The following GATA3 variants were observed in gnomAD, a reference collection of about 807,000 sequenced individuals.
The protein encoded by GATA3 is GATA binding protein 3, also known as trans-acting T-cell-specific transcription factor GATA-3.
Under a neutral mutation model 36.0 loss-of-function variants are expected in GATA3, and 6 were observed. The ratio of observed to expected loss-of-function variants is 0.17; its 90% CI spans 0.09 to 0.33. The LOEUF (loss-of-function observed/expected upper bound fraction) is 0.33. Ranked by LOEUF, GATA3 falls within the 10% of genes least tolerant of loss-of-function variation. The pLI is 1.00. For missense variants in GATA3, 514 were observed against 610.1 expected (o/e 0.84, Z 1.66); for synonymous variants, 326 against 273.0 (o/e 1.19, Z -1.92).
intron 5 of GATA3, among the ~76,000 whole-genome samples, chr10:8,070,235 G>A (rs1199143018): frequency 1.3e-5 from 2 of 152,202 alleles, no homozygotes; most frequent in Non-Finnish European, 2.9e-5. Context: ...CCATACCAGG[G>A]AAAATAAACT....
intron 3 of GATA3, 77 bp downstream of exon 3, chr10:8,058,918 G>T: frequency 7.1e-7 from 1 of 1,414,558 alleles, no homozygotes; most frequent in Non-Finnish European, 9.8e-7. Flanking sequence ...CACCCAGAGG[G>T]ACCCCTCAGG....
At position 8,047,387 on chromosome 10, in the gene GATA3, TC is replaced by T. The variant is rs370521439; in HGVS notation, c.-370+1873del. Among the ~76,000 whole-genome samples the T allele has an allele frequency of 1.1e-4, 16 of 152,374 alleles. No homozygotes were observed. The South Asian group carries it at 3.3e-3, about 32-fold the overall frequency. ...TAGCATTCGGTTATTTTTAACTATT[TC>T]TAGGCTGCACTGAAGTGATGTCTCA... is the stretch of plus-strand genomic sequence containing the variant. On this transcript the variant is annotated intron_variant, in intron 1 of 1. Coordinates refer to the GATA3 transcript ENST00000643001.
At chr10:8,047,132 G>T (rs967303432) in intron 1 of GATA3, among the ~76,000 whole-genome samples, 1 of 152,232 alleles carries the variant, frequency 6.6e-6, no homozygotes, top group Non-Finnish European at 1.5e-5. Flanking sequence ...GAGAAGGGAT[G>T]GGAGTGGGAA....
chr10:8,070,431 G>C (rs1335012609), intron 5 of GATA3, among the ~76,000 whole-genome samples: 1 of 150,398 alleles, frequency 6.6e-6, no homozygotes, highest in Non-Finnish European at 1.5e-5. Context: ...CATGATTCTA[G>C]TGAGGCTTCA....
chr10:8,050,252 T>C (rs1832449711), upstream of GATA3, among the ~76,000 whole-genome samples: 1 of 152,216 alleles, frequency 6.6e-6, no homozygotes, highest in Non-Finnish European at 1.5e-5. Context: ...TTTCTCTAAT[T>C]GCTCCAACAA....
At chr10:8,059,607 A>G (rs757609401) in intron 3 of GATA3, among the ~76,000 whole-genome samples, 1 of 152,188 alleles carries the variant, frequency 6.6e-6, no homozygotes, top group African/African-American at 2.4e-5. Flanking sequence ...AAGGAACGGA[A>G]AAGTGCTCCA....
At position 8,064,057 on chromosome 10, in the gene GATA3, A is replaced by G. The variant is rs747504372; in HGVS notation, c.843A>G (p.Gly281=). Reference sequence around the variant, plus strand: ...CACTGTGGCGGCGAGATGGCACGGGACACTACCTGTGCAACGCCTGCGGGC... The same window carrying G: ...CACTGTGGCGGCGAGATGGCACGGGGCACTACCTGTGCAACGCCTGCGGGC... ...STPLWRRDGT[G]HYLCNACGLY... The change falls in exon 4 of 6, where the codon GGA becomes GGG. Residue 281 remains glycine, a synonymous_variant. Transcript: ENST00000379328. 2 of 1,614,094 alleles carry G rather than the reference A, an allele frequency of 1.2e-6. No homozygotes were observed. The highest frequency in any genetic ancestry group is 1.7e-6 in the Non-Finnish European group (2 of 1,180,000).
chr10:8,074,126 A>G lies in GATA3; in HGVS notation c.*103A>G, dbSNP rs1254640766. ...ATCATGAAGCCTAAACGCGATGGAT[A>G]TATGTTTTTGAAGGCAGAAAGCAAA... On this transcript the variant is annotated 3_prime_UTR_variant, in exon 6 of 6. Transcript: ENST00000379328. 22 of 1,355,792 alleles carry G rather than the reference A, an allele frequency of 1.6e-5. No individual in the cohort carries two copies. The highest frequency in any genetic ancestry group is 2.3e-5 in the Admixed American group (1 of 42,854). The allele number at this position is 1,355,792 out of a possible 1,614,324, so 84.0% of individuals were successfully genotyped here.
chr10:8,067,734 T>A (rs188165332), intron 4 of GATA3, among the ~76,000 whole-genome samples: 3 of 152,064 alleles, frequency 2.0e-5, no homozygotes, highest in African/African-American at 4.8e-5. Flanking sequence ...AGGAGAATGG[T>A]GTGAACCCAG....
Position 8,075,089 on chromosome 10 carries a change from C to G in GATA3, c.*1066C>G, listed in dbSNP as rs11255509. The G allele has an allele frequency of 4.3e-6, 1 of 233,022 alleles. No individual in the cohort carries two copies. Among genetic ancestry groups the G allele is most frequent in the Non-Finnish European group, 8.5e-6 (1 of 117,988 alleles). 14.4% of individuals were successfully genotyped at this position (233,022 alleles called of 1,614,324 possible). ...GACAGGCCACGTCCTGCAATCGGCC[C>G]GGCTGCCTCTTCGCCCTGTCGTGTT... On this transcript the variant is annotated 3_prime_UTR_variant, in exon 6 of 6. Coordinates refer to ENST00000379328, the MANE Select transcript of GATA3 (RefSeq NM_001002295.2).
intron 3 of GATA3, 120 bp downstream of exon 3, chr10:8,058,961 C>A: frequency 1.2e-6 from 1 of 817,818 alleles, no homozygotes; most frequent in Non-Finnish European, 1.9e-6. Flanking sequence ...TGCTGAGATG[C>A]CATTCTTCCC....
At chr10:8,073,705 T>TAA (rs373223232) in intron 5 of GATA3, 34 bp from the exon 6 acceptor site, 1,946 of 1,397,814 alleles carry the variant, frequency 1.4e-3, no homozygotes, top group Admixed American at 1.5e-3. Context: ...AGCAAAAAAG[T>TAA]AAAAAAAAAA....
chr10:8,074,076 C>T lies in GATA3; in HGVS notation c.*53C>T, dbSNP rs1034868505. ...CAGCGAGAGTCCCTGCAGTCCCTTT[C>T]GACTTGCATTTTTGCAGGAGCAGTA... On this transcript the variant is annotated 3_prime_UTR_variant, in exon 6 of 6. Transcript: ENST00000379328. 24 of 1,586,922 alleles carry T rather than the reference C, an allele frequency of 1.5e-5. No individual in the cohort carries two copies. Among genetic ancestry groups the T allele is most frequent in the South Asian group, 1.0e-4 (9 of 89,088 alleles).
rs1394558321 is a variant in GATA3, at chr10:8,055,856, G to A, written c.201G>A (p.Ser67=). 2.5e-6 allele frequency: 4 copies of A among 1,576,570 alleles called. No individual in the cohort carries two copies. Among genetic ancestry groups the A allele is most frequent in the Middle Eastern group, 3.3e-4 (2 of 6,044 alleles). The change falls in exon 2 of 6, where the codon TCG becomes TCA. Residue 67 remains serine (S), a synonymous_variant. Transcript: ENST00000379328. This position sits in a 1 kb window ranked among gnomAD's most constrained non-coding sequence, Gnocchi z 5.4. ...ACGTCCCGCCCTACTACGGAAACTC[G>A]GTCAGGGCCACGGTGCAGAGGTACC... is the stretch of plus-strand genomic sequence containing the variant. ...GNHVPPYYGN[S]VRATVQRYPP... is the part of the protein sequence containing the mutation.
At chr10:8,057,633 G>C (rs1443253359) in intron 2 of GATA3, among the ~76,000 whole-genome samples, 1 of 152,146 alleles carries the variant, frequency 6.6e-6, no homozygotes, top group Non-Finnish European at 1.5e-5. Flanking sequence ...CAATGAAAAC[G>C]TCCCTGCAAA....
intron 4 of GATA3, among the ~76,000 whole-genome samples, chr10:8,066,450 CT>C (rs774012162): frequency 6.9e-4 from 70 of 101,216 alleles, no homozygotes; most frequent in East Asian, 5.0e-3. Flanking sequence ...TTCTTTCTTT[CT>C]TTTTTTTTTT....
At chr10:8,046,361 A>G (rs192680246) in intron 1 of GATA3, among the ~76,000 whole-genome samples, 1 of 152,292 alleles carries the variant, frequency 6.6e-6, no homozygotes, top group East Asian at 1.9e-4. Context: ...TGATTCTGGC[A>G]AGGGCAGGGG....
intron 4 of GATA3, among the ~76,000 whole-genome samples, chr10:8,065,700 G>GTTTTTTTTTTTTTTT (rs748515966): frequency 8.0e-5 from 5 of 62,278 alleles, no homozygotes; most frequent in Non-Finnish European, 1.1e-4. Flanking sequence ...CAGCAGTTTG[G>GTTTTTTTTTTTTTTT]TTTTTTTTTT....
At chr10:8,050,398 C>G (rs1055059899), upstream of GATA3, 3 of 152,350 alleles carry the variant, frequency 2.0e-5, no homozygotes, top group Non-Finnish European at 2.9e-5. Flanking sequence ...GTACTGGCGC[C>G]GGCCTCGACA....
Sources: gnomAD v4.1 joint callset for allele counts (sites outside exome capture counted in the v4.1 genomes callset) on GRCh38, gnomAD v4.1.1 for gene constraint, Gnocchi (gnomAD v3.1) non-coding constraint, MANE v1.5 for transcripts, NCBI Gene and HGNC (gene_info 2026-07-23, HGNC 2026-07-21) for gene names.